The following PALM2AKAP2 variants were observed in gnomAD, a reference collection of about 807,000 sequenced individuals.
PALM2AKAP2 encodes the protein PALM2 and AKAP2 fusion.
PALM2AKAP2 carries 37 observed loss-of-function variants against 71.5 expected under a neutral mutation model. That is an observed-to-expected ratio of 0.52 (90% CI 0.40 to 0.68). PALM2AKAP2 has a LOEUF of 0.68. Among genes scored for constraint, PALM2AKAP2 ranks in the 30% least tolerant of loss-of-function variants. The pLI is 0.00. For missense variants in PALM2AKAP2, 1,224 were observed against 1,191.8 expected (o/e 1.03, Z -0.40); for synonymous variants, 468 against 478.8 (o/e 0.98, Z 0.29).
chr9:109,922,421 C>CAAAAAAAAAAAA lies in PALM2AKAP2; in HGVS notation c.258-1289_258-1278dup, dbSNP rs398011831. On this transcript the variant is annotated intron_variant, in intron 3 of 9. Transcript: ENST00000302798. ...TGGGTGACAGAGTGAGACTCTATCT[C>CAAAAAAAAAAAA]AAAAAAAAAAAAAAAAAAAAAAAAA... Among the ~76,000 whole-genome samples the CAAAAAAAAAAAA allele has an allele frequency of 2.6e-4, 5 of 19,238 alleles. 1 individual carries two copies. The highest frequency in any genetic ancestry group is 2.1e-4 in the African/African-American group (1 of 4,858). 12.6% of individuals were successfully genotyped at this position (19,238 alleles called of 152,430 possible). A position where few individuals can be genotyped will look rare whatever the true frequency, so the allele number is the denominator to read the frequency against.
At chr9:109,662,379 G>A (rs1220422218) in intron 1 of PALM2AKAP2, among the ~76,000 whole-genome samples, 2 of 152,144 alleles carry the variant, frequency 1.3e-5, no homozygotes, top group South Asian at 2.1e-4. Flanking sequence ...AGCCTGAAGC[G>A]CTGTTGAATT....
chr9:109,964,145 G>C (rs1341546181), intron 6 of PALM2AKAP2, among the ~76,000 whole-genome samples: 4 of 152,242 alleles, frequency 2.6e-5, no homozygotes, highest in African/African-American at 9.6e-5. Context: ...GAGATATACT[G>C]TATGTCAGCA....
At chr9:109,792,384 C>T (rs1160248631) in intron 1 of PALM2AKAP2, among the ~76,000 whole-genome samples, 2 of 152,222 alleles carry the variant, frequency 1.3e-5, no homozygotes, top group East Asian at 3.8e-4. Flanking sequence ...ACCTCAGCTT[C>T]CTAAGTAGCT....
upstream of PALM2AKAP2, among the ~76,000 whole-genome samples, chr9:110,046,464 C>CTTTT (rs10601764): frequency 5.7e-5 from 6 of 104,720 alleles, no homozygotes; most frequent in South Asian, 2.9e-4. Context: ...GATTGCTTTA[C>CTTTT]TTTTTTTTTT....
In PALM2AKAP2 at chr9:109,958,205, A is replaced by G. The variant is rs138273654; in HGVS notation, c.496+26177A>G. Among the ~76,000 whole-genome samples the G allele has an allele frequency of 4.6e-5, 7 of 152,192 alleles. No homozygotes were observed. The East Asian group carries it at 1.3e-3, about 29-fold the overall frequency. ...GAAATTAGGCCAAGAGAAAAATAAG[A>G]TGAAATTAGAAAACTCCATCTAGCT... On this transcript the variant is annotated intron_variant, in intron 6 of 9. Coordinates refer to the PALM2AKAP2 transcript ENST00000302798.
chr9:110,046,917 T>A (rs569666327), upstream of PALM2AKAP2, among the ~76,000 whole-genome samples: 2,254 of 152,302 alleles, frequency 0.015, 60 homozygotes, highest in African/African-American at 0.051. Context: ...AAATTCTTCC[T>A]TAGAGAGTCT....
chr9:110,071,716 G>T (rs1217414330), intron 1 of PALM2AKAP2, among the ~76,000 whole-genome samples: 1 of 152,134 alleles, frequency 6.6e-6, no homozygotes, highest in Non-Finnish European at 1.5e-5. Flanking sequence ...CACTACCATT[G>T]TTTCTTGTGG....
chr9:109,955,079 C>T (rs1464790522), intron 6 of PALM2AKAP2, among the ~76,000 whole-genome samples: 2 of 152,074 alleles, frequency 1.3e-5, no homozygotes, highest in Admixed American at 1.3e-4. Flanking sequence ...CTGCCTGGCC[C>T]CTATTGGCAT....
At chr9:109,820,243 C>G (rs182191114) in intron 1 of PALM2AKAP2, among the ~76,000 whole-genome samples, 349 of 152,330 alleles carry the variant, frequency 2.3e-3, no homozygotes, top group Middle Eastern at 6.8e-3. Context: ...CATCTGGAGG[C>G]AAACATGCCA....
At chr9:109,777,680 C>T (rs1829367304), upstream of PALM2AKAP2, among the ~76,000 whole-genome samples, 1 of 152,218 alleles carries the variant, frequency 6.6e-6, no homozygotes, top group Non-Finnish European at 1.5e-5. Flanking sequence ...TTACTGACAG[C>T]CCTCCAATGG....
At chr9:110,142,095 A>G (rs1295068369) in intron 2 of PALM2AKAP2, among the ~76,000 whole-genome samples, 3 of 129,982 alleles carry the variant, frequency 2.3e-5, no homozygotes, top group East Asian at 4.2e-4. Flanking sequence ...TTTTTGAGGC[A>G]GAGTCTTGCT....
At chr9:109,743,309 C>A (rs920381340) in intron 1 of PALM2AKAP2, among the ~76,000 whole-genome samples, 1 of 152,132 alleles carries the variant, frequency 6.6e-6, no homozygotes, top group African/African-American at 2.4e-5. Context: ...GGGATTGTAG[C>A]TTTTCATGCA....
chr9:109,695,163 T>G (rs1045188944), intron 1 of PALM2AKAP2, among the ~76,000 whole-genome samples: 2 of 152,172 alleles, frequency 1.3e-5, no homozygotes, highest in African/African-American at 4.8e-5. Context: ...TTAAAAAGAA[T>G]AACACTTGAC....
intron 2 of PALM2AKAP2, among the ~76,000 whole-genome samples, chr9:109,869,997 A>G (rs1829563403): frequency 6.6e-6 from 1 of 152,124 alleles, no homozygotes; most frequent in South Asian, 2.1e-4. Flanking sequence ...TTGAATACTG[A>G]AAAAGGAAAG....
intron 2 of PALM2AKAP2, among the ~76,000 whole-genome samples, chr9:109,874,254 G>A (rs1242035168): frequency 6.6e-6 from 1 of 152,194 alleles, no homozygotes. Flanking sequence ...CATTAGAGGA[G>A]CTGAAAAATA....
upstream of PALM2AKAP2, among the ~76,000 whole-genome samples, chr9:109,779,657 G>A (rs1385036465): frequency 6.6e-6 from 1 of 152,116 alleles, no homozygotes; most frequent in Non-Finnish European, 1.5e-5. Context: ...GCCACATATC[G>A]CCTCACCAGA....
At chr9:110,097,530 AG>A (rs1834881970) in intron 1 of PALM2AKAP2, among the ~76,000 whole-genome samples, 1 of 141,782 alleles carries the variant, frequency 7.1e-6, no homozygotes, top group African/African-American at 2.7e-5. Context: ...ACGGGGCGAC[AG>A]GGCAGAGGCG....
At chr9:110,121,906 A>C (rs1835494291) in intron 1 of PALM2AKAP2, among the ~76,000 whole-genome samples, 1 of 152,198 alleles carries the variant, frequency 6.6e-6, no homozygotes, top group South Asian at 2.1e-4. Flanking sequence ...CTAAAAGCAC[A>C]GAACTTACAG....
rs551496877 is a variant in PALM2AKAP2 at position 109,665,643 on chromosome 9, G to A, written c.5+24777G>A. ...GTGTCTCCCAGTTAGGCTACGTGGC[G>A]GTCAGGGACCCACTTGAGGAGGCAG... On this transcript the variant is annotated intron_variant, in intron 1 of 6. Coordinates refer to the PALM2AKAP2 transcript ENST00000374531. Among the ~76,000 whole-genome samples the A allele has an allele frequency of 1.7e-3, 264 of 152,300 alleles. 3 individuals carry two copies. In the South Asian group the frequency reaches 0.032, roughly 18 times the overall value.
Sources: allele counts gnomAD v4.1 joint callset (sites outside exome capture counted in the v4.1 genomes callset), GRCh38; gene constraint gnomAD v4.1.1; transcripts MANE v1.5; gene names NCBI Gene and HGNC (gene_info 2026-07-23, HGNC 2026-07-21).